The following ABCB5 variants were observed in gnomAD, a reference collection of about 807,000 sequenced individuals.
ABCB5 encodes ATP binding cassette subfamily B member 5, also known as ATP-binding cassette sub-family B member 5.
In ABCB5, 155 loss-of-function variants were observed where a neutral mutation model predicts 144.2. The observed-to-expected ratio is 1.08, with a 90% CI of 0.94 to 1.23. ABCB5 has a LOEUF of 1.23. Ranked by LOEUF, ABCB5 falls within the 50% of genes most tolerant of loss-of-function variation. ABCB5 has a pLI of 0.00. For synonymous variants in ABCB5, 610 were observed against 528.6 expected (o/e 1.15, Z -2.11); for missense variants, 1,830 against 1,520.8 (o/e 1.20, Z -3.38).
intron 23 of ABCB5, among the ~76,000 whole-genome samples, chr7:20,729,621 A>G (rs1217500514): frequency 6.6e-6 from 1 of 152,224 alleles, no homozygotes; most frequent in Admixed American, 6.5e-5. Flanking sequence ...ATTAATTCTG[A>G]GCTGAGAGCC....
chr7:20,707,801 C>CTTTTTTTTTTTTTT (rs67014566), intron 20 of ABCB5, among the ~76,000 whole-genome samples: 8 of 93,084 alleles, frequency 8.6e-5, no homozygotes, highest in African/African-American at 2.1e-4. Context: ...AACCTCATTT[C>CTTTTTTTTTTTTTT]TTTTTTTTTT....
chr7:20,623,601 C>T (rs1223393483), intron 2 of ABCB5, among the ~76,000 whole-genome samples: 1 of 152,070 alleles, frequency 6.6e-6, no homozygotes, highest in Non-Finnish European at 1.5e-5. Context: ...AATTTCTCAT[C>T]GTTAATTTCT....
At chr7:20,750,521 C>A (rs868305015) in intron 26 of ABCB5, among the ~76,000 whole-genome samples, 5 of 151,544 alleles carry the variant, frequency 3.3e-5, no homozygotes, top group African/African-American at 1.2e-4. Context: ...TATATTTATC[C>A]CACTTAGAAT....
chr7:20,667,566 A>C, intron 14 of ABCB5: 1 of 968,036 alleles, frequency 1.0e-6, no homozygotes, highest in South Asian at 4.8e-5. Context: ...TAATTTGAGA[A>C]CTGTTGGAGA....
At position 20,728,401 on chromosome 7, in the gene ABCB5, G is replaced by A. The variant is rs765330792; in HGVS notation, c.2813G>A (p.Arg938Gln). The change falls in exon 23 of 28, where the codon CGA becomes CAA. Residue 938 changes from arginine to glutamine, a missense_variant. By Grantham distance (43) the Arg-to-Gln change is conservative. Coordinates refer to ENST00000404938, the MANE Select transcript of ABCB5 (RefSeq NM_001163941.2). ...FIYFAYAAGF[R>Q]FGAYLIQAGR... ...TATTTTGCCTATGCGGCAGGGTTTCGATTTGGAGCCTATTTAATTCAAGCT... is the reference window on the plus strand; with the variant it reads ...TATTTTGCCTATGCGGCAGGGTTTCAATTTGGAGCCTATTTAATTCAAGCT... 16 of 1,614,044 alleles carry A rather than the reference G, an allele frequency of 9.9e-6. 1 individual carries two copies. The Middle Eastern group carries it at 1.2e-3, about 116-fold the overall frequency.
Position 20,685,701 on chromosome 7 carries a change from TA to T in ABCB5, c.1881del (p.Ala628LeufsTer8), listed in dbSNP as rs1452328679. On this transcript the variant is annotated frameshift_variant, in exon 16 of 28. Transcript: ENST00000404938. LOFTEE classifies it high-confidence loss of function. ...CTATATATTCTTCCTGTAAGGATAT[TA>T]AAAAAGCTGATGAACAGATGGAGTC... ...YYSLVMSQDI[K>X]KADEQMESMT... 2 of 1,604,066 alleles carry T rather than the reference TA, an allele frequency of 1.2e-6. No individual in the cohort carries two copies. Among genetic ancestry groups the T allele is most frequent in the Admixed American group, 1.7e-5 (1 of 57,902 alleles).
At chr7:20,747,220 T>C (rs1476694262) in intron 26 of ABCB5, among the ~76,000 whole-genome samples, 1 of 152,200 alleles carries the variant, frequency 6.6e-6, no homozygotes, top group Non-Finnish European at 1.5e-5. Context: ...TCTCGATAGT[T>C]TGTTTTATGT....
At chr7:20,633,546 A>G (rs1005817495) in intron 5 of ABCB5, among the ~76,000 whole-genome samples, 1 of 152,106 alleles carries the variant, frequency 6.6e-6, no homozygotes. Flanking sequence ...AATACATATA[A>G]CGTATAGTGA....
chr7:20,739,259 C>A, intron 24 of ABCB5, 120 bp downstream of exon 24: 2 of 1,007,118 alleles, frequency 2.0e-6, no homozygotes, highest in African/African-American at 1.6e-5. Context: ...GGGTGCTATA[C>A]TCAGTACCTG....
At chr7:20,655,462 GACTCT>G (rs200870573) in intron 13 of ABCB5, among the ~76,000 whole-genome samples, 2,727 of 152,130 alleles carry the variant, frequency 0.018, 84 homozygotes, top group African/African-American at 0.062. Flanking sequence ...AACAGAGCAA[GACTCT>G]GCTCCCCCGC....
chr7:20,686,305 T>C (rs1005973235), intron 16 of ABCB5, among the ~76,000 whole-genome samples: 2 of 152,154 alleles, frequency 1.3e-5, no homozygotes, highest in Admixed American at 6.5e-5. Flanking sequence ...TTTGTTCCCA[T>C]GCTTACTGTG....
chr7:20,681,623 T>C lies in ABCB5; in HGVS notation c.1826T>C (p.Leu609Pro), dbSNP rs1264472619. ...MLAEKGAHAE[L>P]MAKRGLYYSL... Reference sequence around the variant, plus strand: ...GCGGAGAAAGGAGCACATGCTGAACTAATGGCAAAACGAGGTCTATATTAT... The same window carrying C: ...GCGGAGAAAGGAGCACATGCTGAACCAATGGCAAAACGAGGTCTATATTAT... The change falls in exon 15 of 28, where the codon CTA (leucine) becomes CCA (proline). Residue 609 changes from leucine (L) to proline (P), a missense_variant. Physicochemically the swap from Leu to Pro is moderately conservative, Grantham distance 98 (BLOSUM62 -3). Coordinates refer to ENST00000404938, the MANE Select transcript of ABCB5 (RefSeq NM_001163941.2). 1 of 1,614,176 alleles carries C rather than the reference T, an allele frequency of 6.2e-7. No individual in the cohort carries two copies. The highest frequency in any genetic ancestry group is 1.1e-5 in the South Asian group (1 of 91,080).
intron 12 of ABCB5, among the ~76,000 whole-genome samples, chr7:20,650,497 C>T (rs1417479442): frequency 6.6e-6 from 1 of 151,792 alleles, no homozygotes; most frequent in East Asian, 1.9e-4. Flanking sequence ...AACATCTGTA[C>T]CCAGTACCTA....
chr7:20,645,410 C>T (rs1032587230), intron 7 of ABCB5, among the ~76,000 whole-genome samples: 11 of 152,102 alleles, frequency 7.2e-5, no homozygotes, highest in Admixed American at 6.5e-4. Flanking sequence ...TGCGAATAGG[C>T]AATAGTTATG....
intron 14 of ABCB5, chr7:20,667,668 T>TCTGCCCCTGCCCCTGCCCCTGCCC (rs11274355): frequency 2.6e-5 from 13 of 497,200 alleles, no homozygotes; most frequent in Admixed American, 7.8e-5. Flanking sequence ...AACATTCGCC[T>TCTGCCCCTGCCCCTGCCCCTGCCC]CTGCCCCTGC....
intron 24 of ABCB5, among the ~76,000 whole-genome samples, chr7:20,742,581 A>C (rs1169269829): frequency 6.6e-6 from 1 of 152,202 alleles, no homozygotes; most frequent in African/African-American, 2.4e-5. Flanking sequence ...AAGCTGGTCA[A>C]ACAACCAACT....
chr7:20,672,420 G>C (rs951734846), intron 14 of ABCB5, among the ~76,000 whole-genome samples: 2 of 152,048 alleles, frequency 1.3e-5, no homozygotes, highest in Non-Finnish European at 2.9e-5. Context: ...AGGATGAGGG[G>C]AGGGAGAGCA....
intron 14 of ABCB5, among the ~76,000 whole-genome samples, chr7:20,673,884 T>G (rs972818933): frequency 8.6e-5 from 13 of 151,982 alleles, no homozygotes; most frequent in African/African-American, 3.1e-4. Context: ...AGTGAGTACT[T>G]TTTATGATTT....
intron 14 of ABCB5, among the ~76,000 whole-genome samples, chr7:20,663,789 C>A (rs910749370): frequency 6.8e-6 from 1 of 146,392 alleles, no homozygotes; most frequent in African/African-American, 2.5e-5. Flanking sequence ...GATCTCAGCT[C>A]ACTGCAACCT....
Sources: gnomAD v4.1 joint callset for allele counts (sites outside exome capture counted in the v4.1 genomes callset) on GRCh38, gnomAD v4.1.1 for gene constraint, MANE v1.5 for transcripts, NCBI Gene and HGNC (gene_info 2026-07-23, HGNC 2026-07-21) for gene names.